INAVA: variants seen among roughly 807,000 people sequenced by gnomAD.
INAVA encodes the protein innate immunity activator protein.
In INAVA, 32 loss-of-function variants were observed where a neutral mutation model predicts 55.3. The ratio of observed to expected loss-of-function variants is 0.58; its 90% CI spans 0.44 to 0.78. The LOEUF is 0.78. Among genes scored for constraint, INAVA ranks in the 30% least tolerant of loss-of-function variants. The probability of loss-of-function intolerance (pLI) is 0.00; values close to 1 mark genes in which losing one functional copy is unlikely to be tolerated. For missense variants in INAVA, 756 were observed against 786.4 expected, an observed-to-expected ratio of 0.96 and a Z score of 0.46; for synonymous variants, 294 against 329.4, an observed-to-expected ratio of 0.89 and a Z score of 1.16.
chr1:200,902,880 G>A (rs1428136538), intron 5 of INAVA: 10 of 152,296 alleles, frequency 6.6e-5, no homozygotes, highest in South Asian at 2.1e-4. Context: ...GTTGGGAGTC[G>A]GGAGCAGGCC....
chr1:200,912,107 C>T lies in INAVA; in HGVS notation c.1614C>T (p.Gly538=). Residue 538 remains glycine, a synonymous_variant, in exon 9 of 10, where the codon GGC becomes GGT. Transcript: ENST00000413687. ...GGAGCCTGCCCCTTGGGAGAGAGGG[C>T]TTCGGACGAGCCCTGGGACCCCGGG... The part of the protein sequence containing the change: ...RVRSLPLGRE[G]FGRALGPRAQ... 6.5e-7 allele frequency: 1 copy of T among 1,549,264 alleles called. No homozygotes were observed.
chr1:200,912,657 C>T (rs889566275), intron 9 of INAVA, among the ~76,000 whole-genome samples: 4 of 152,160 alleles, frequency 2.6e-5, no homozygotes, highest in Non-Finnish European at 5.9e-5. Flanking sequence ...AGCTAGACCA[C>T]CAGGTTCAAA....
intron 1 of INAVA, among the ~76,000 whole-genome samples, chr1:200,897,726 C>A (rs1210031378): frequency 6.6e-6 from 1 of 152,046 alleles, no homozygotes; most frequent in African/African-American, 2.4e-5. Context: ...CTTCTCCAGG[C>A]TCAGGCAATC....
chr1:200,899,451 A>C, intron 2 of INAVA, 22 bp from the exon 3 acceptor site: 1 of 1,613,420 alleles, frequency 6.2e-7, no homozygotes, highest in South Asian at 1.1e-5. Context: ...CTCCCTGAGC[A>C]TGTGCCCCCC....
At chr1:200,898,159 C>A in intron 1 of INAVA, 148 bp from the exon 2 acceptor site, 1 of 798,042 alleles carries the variant, frequency 1.3e-6, no homozygotes, top group Non-Finnish European at 2.0e-6. Flanking sequence ...TAGGTCAGCA[C>A]CCCCAGTGCC....
chr1:200,905,589 C>A (rs1190487493), intron 5 of INAVA, among the ~76,000 whole-genome samples: 1 of 152,182 alleles, frequency 6.6e-6, no homozygotes, highest in African/African-American at 2.4e-5. Context: ...CAAAGGTTAA[C>A]AAACTTTTCC....
rs967387227 is a variant in INAVA, at chr1:200,911,161, A to T, written c.960-292A>T. On this transcript the variant is annotated intron_variant, in intron 8 of 9. Coordinates refer to ENST00000413687, the MANE Select transcript of INAVA (RefSeq NM_001142569.3). ...AAAAAAGTACTTAATGTAGTACTTT[A>T]AAAAAAGTACTTAATGTGCTACTTG... is the stretch of plus-strand genomic sequence containing the variant. 1.9e-4 allele frequency among the ~76,000 whole-genome samples: 29 copies of T among 149,388 alleles called. 1 individual carries two copies. The highest frequency in any genetic ancestry group is 3.1e-4 in the Non-Finnish European group (21 of 67,872).
At chr1:200,895,375 A>G (rs953249240) in intron 1 of INAVA, among the ~76,000 whole-genome samples, 2 of 151,868 alleles carry the variant, frequency 1.3e-5, no homozygotes, top group African/African-American at 2.4e-5. Flanking sequence ...AGGATCCCCC[A>G]TGGCCCGGCC....
chr1:200,909,455 G>A (rs879604207), intron 8 of INAVA, 58 bp downstream of exon 8: 18 of 1,390,152 alleles, frequency 1.3e-5, no homozygotes, highest in Admixed American at 5.1e-5. Flanking sequence ...TCGTTGGAGG[G>A]TGGGAGCTCC....
intron 9 of INAVA, among the ~76,000 whole-genome samples, chr1:200,913,106 C>T (rs1447399860): frequency 6.6e-6 from 1 of 152,222 alleles, no homozygotes; most frequent in Non-Finnish European, 1.5e-5. Context: ...CCCTCCCCCA[C>T]CCACGGTTCT....
intron 2 of INAVA, 52 bp from the exon 3 acceptor site, chr1:200,899,421 A>G (rs1339535052): frequency 4.8e-5 from 77 of 1,609,978 alleles, no homozygotes; most frequent in Non-Finnish European, 6.4e-5. Flanking sequence ...TAAGTAACGG[A>G]GGAGGCTTCC....
In INAVA at chr1:200,899,535, G is replaced by C; in HGVS notation, c.118G>C (p.Ala40Pro). ...LTHAVHKQQRALEARLEACLE... is the reference protein window; with the variant it reads ...LTHAVHKQQRPLEARLEACLE... ...CCATGCAGTGCACAAGCAGCAGAGG[G>C]CCCTGGAAGCGAGGCTGGAGGCCTG... Residue 40 changes from alanine (A) to proline (P), a missense_variant, in exon 3 of 10, where the codon GCC becomes CCC. By Grantham distance (27) the Ala-to-Pro change is conservative (BLOSUM62 -1). Transcript: ENST00000413687. 1 of 1,613,882 alleles carries C rather than the reference G, an allele frequency of 6.2e-7. No individual in the cohort carries two copies. The highest frequency in any genetic ancestry group is 8.5e-7 in the Non-Finnish European group (1 of 1,179,976).
chr1:200,912,968 C>T (rs1265083464), intron 9 of INAVA, among the ~76,000 whole-genome samples: 3 of 152,120 alleles, frequency 2.0e-5, no homozygotes, highest in Non-Finnish European at 4.4e-5. Context: ...AAGTGGGGAG[C>T]CACACACAGG....
In INAVA at chr1:200,898,398, A is replaced by G; in HGVS notation, c.-3A>G. 2 of 1,613,624 alleles carry G rather than the reference A, an allele frequency of 1.2e-6. No homozygotes were observed. Among genetic ancestry groups the G allele is most frequent in the Non-Finnish European group, 8.5e-7 (1 of 1,179,900 alleles). On this transcript the variant is annotated 5_prime_UTR_variant, in exon 2 of 10. Coordinates refer to ENST00000413687, the MANE Select transcript of INAVA (RefSeq NM_001142569.3). ...CTGTGCCCTCTCCTTCCAGAAATCCACCATGGAGAGTAAGGATGAGGTCAG... is the reference window on the plus strand; with the variant it reads ...CTGTGCCCTCTCCTTCCAGAAATCCGCCATGGAGAGTAAGGATGAGGTCAG...
chr1:200,898,538 C>G, intron 2 of INAVA, 83 bp downstream of exon 2: 1 of 1,498,876 alleles, frequency 6.7e-7, no homozygotes, highest in Non-Finnish European at 9.1e-7. Context: ...GTCCTGAGCC[C>G]TCAGGCACTA....
At chr1:200,912,282 C>G in intron 9 of INAVA, 145 bp downstream of exon 9, 2 of 835,986 alleles carry the variant, frequency 2.4e-6, no homozygotes, top group Middle Eastern at 3.5e-4. Context: ...AAGAACAGGC[C>G]AAAAAATCAT....
chr1:200,896,270 C>T (rs1668349352), intron 1 of INAVA, among the ~76,000 whole-genome samples: 1 of 150,630 alleles, frequency 6.6e-6, no homozygotes, highest in African/African-American at 2.4e-5. Flanking sequence ...CAGACACACT[C>T]AGCATGCTAG....
chr1:200,913,642 C>A lies in INAVA; in HGVS notation c.*13C>A, dbSNP rs199844415. 9 of 1,608,984 alleles carry A rather than the reference C, an allele frequency of 5.6e-6. No individual in the cohort carries two copies. Among genetic ancestry groups the A allele is most frequent in the Non-Finnish European group, 7.6e-6 (9 of 1,176,668 alleles). On this transcript the variant is annotated 3_prime_UTR_variant, in exon 10 of 10. Coordinates refer to ENST00000413687, the MANE Select transcript of INAVA (RefSeq NM_001142569.3). ...CAGCCAGGTGTAACTCTGCGCCCCA[C>A]GCTGGAAAAAACTGTTTCATAGAGG...
intron 1 of INAVA, among the ~76,000 whole-genome samples, chr1:200,895,709 G>T (rs909321503): frequency 6.6e-6 from 1 of 152,162 alleles, no homozygotes; most frequent in African/African-American, 2.4e-5. Flanking sequence ...GTGAGGGTCC[G>T]CTATGTGGCT....
Sources: gnomAD v4.1 joint callset for allele counts (sites outside exome capture counted in the v4.1 genomes callset) on GRCh38, gnomAD v4.1.1 for gene constraint, MANE v1.5 for transcripts, NCBI Gene and HGNC (gene_info 2026-07-23, HGNC 2026-07-21) for gene names.